UBA5: variants seen among roughly 807,000 people sequenced by gnomAD.
UBA5 encodes the protein ubiquitin like modifier activating enzyme 5, also known as ubiquitin-like modifier-activating enzyme 5.
In UBA5, 28 loss-of-function variants were observed where a neutral mutation model predicts 52.9. The ratio of observed to expected loss-of-function variants is 0.53; its 90% CI spans 0.39 to 0.73. The LOEUF is 0.73. Among genes scored for constraint, UBA5 ranks in the 30% least tolerant of loss-of-function variants. UBA5 has a pLI of 0.00. For missense variants in UBA5, 388 were observed against 492.7 expected (o/e 0.79, Z 2.01); for synonymous variants, 135 against 162.1 (o/e 0.83, Z 1.27).
chr3:132,659,667 G>C (rs144740482), upstream of UBA5: 8 of 1,611,706 alleles, frequency 5.0e-6, no homozygotes, highest in African/African-American at 1.3e-5. Context: ...TGCTGGTTTA[G>C]GTAGGCCTCC....
intron 6 of UBA5, 103 bp downstream of exon 6, chr3:132,671,152 C>T (rs1938584325): frequency 1.1e-6 from 1 of 949,568 alleles, no homozygotes. Context: ...TGAATGTAAA[C>T]CCTTTTCTGT....
chr3:132,661,041 C>G (rs1264094589), intron 1 of UBA5: 2 of 1,358,766 alleles, frequency 1.5e-6, no homozygotes, highest in Admixed American at 4.4e-5. Context: ...AATATTAAAC[C>G]TGCTAAGGTA....
Position 132,671,835 on chromosome 3 carries a change from C to T in UBA5, c.638C>T (p.Ser213Leu), listed in dbSNP as rs376997494. ...TCTGGGGTCAGTGAAAATGCAGTTT[C>T]AGGGCATATACAGCTTATAATTCCT... is the stretch of plus-strand genomic sequence containing the variant. ...MESGVSENAV[S>L]GHIQLIIPGE... Residue 213 changes from serine to leucine, a missense_variant, in exon 7 of 12, where the codon TCA becomes TTA. Around this residue, in one of 3 missense-constraint regions of UBA5, gnomAD observed 277 missense variants for 326.4 expected, o/e 0.85. Coordinates refer to ENST00000356232, the MANE Select transcript of UBA5 (RefSeq NM_024818.6). The T allele has an allele frequency of 2.5e-6, 4 of 1,613,700 alleles. No individual in the cohort carries two copies. Among genetic ancestry groups the T allele is most frequent in the Non-Finnish European group, 3.4e-6 (4 of 1,179,830 alleles).
chr3:132,675,193 C>T, intron 8 of UBA5, 55 bp from the exon 9 acceptor site: 1 of 1,313,738 alleles, frequency 7.6e-7, no homozygotes, highest in Non-Finnish European at 1.1e-6. Flanking sequence ...TTTAGGTGTT[C>T]TAGTATTTTT....
chr3:132,655,266 C>T (rs1232383354), intron 1 of UBA5, among the ~76,000 whole-genome samples: 1 of 152,124 alleles, frequency 6.6e-6, no homozygotes, highest in Non-Finnish European at 1.5e-5. Flanking sequence ...GCCCTTGGCC[C>T]CTTCAGTCAA....
chr3:132,658,512 T>C (rs1387263580), upstream of UBA5, among the ~76,000 whole-genome samples: 1 of 152,236 alleles, frequency 6.6e-6, no homozygotes, highest in Non-Finnish European at 1.5e-5. Context: ...GGACTAGATG[T>C]TCAAAGGGTA....
In UBA5 at chr3:132,678,019, CA is replaced by C. The variant is rs968333129; in HGVS notation, c.*1498del. 4 of 152,070 alleles carry C rather than the reference CA, an allele frequency of 2.6e-5. No homozygotes were observed. Among genetic ancestry groups the C allele is most frequent in the African/African-American group, 9.6e-5 (4 of 41,496 alleles). 9.4% of individuals were successfully genotyped at this position (152,070 alleles called of 1,614,324 possible). On this transcript the variant is annotated 3_prime_UTR_variant, in exon 12 of 12. Transcript: ENST00000356232. The stretch of plus-strand genomic sequence containing the variant: ...ATTTAAAAAATGAAATGCAGTTTTT[CA>C]AAAATAAATTTCCTTTGGAAATTCT...
Position 132,679,494 on chromosome 3 carries a change from AAAAT to A in UBA5, c.*2974_*2977del, listed in dbSNP as rs1341142024. ...ACATGAGAACGTTTGGGTTGGTAGT[AAAAT>A]AAATAGTAATATCAAAATAGTTTAT... On this transcript the variant is annotated 3_prime_UTR_variant, in exon 12 of 12. Coordinates refer to ENST00000356232, the MANE Select transcript of UBA5 (RefSeq NM_024818.6). 6.6e-6 allele frequency among the ~76,000 whole-genome samples: 1 copy of A among 152,230 alleles called. No homozygotes were observed. The highest frequency in any genetic ancestry group is 2.4e-5 in the African/African-American group (1 of 41,466).
At chr3:132,668,266 T>G (rs1047032750) in intron 3 of UBA5, 2 of 152,200 alleles carry the variant, frequency 1.3e-5, no homozygotes, top group African/African-American at 4.8e-5. Context: ...GTAATTCTAT[T>G]TGGAATAATG....
chr3:132,670,816 TATG>T (rs1441120862), intron 5 of UBA5, 146 bp from the exon 6 acceptor site: 36 of 485,006 alleles, frequency 7.4e-5, no homozygotes, highest in East Asian at 5.6e-4. Context: ...ACTTGATATA[TATG>T]ATATCTTTAA....
chr3:132,660,653 G>A lies in UBA5; in HGVS notation c.116G>A (p.Arg39His), dbSNP rs779415068. ...GGCGACGGAGGGGGCGGCCGGGTCCGCATCGAGAAGATGAGCTCAGAGGTG... is the reference window on the plus strand; with the variant it reads ...GGCGACGGAGGGGGCGGCCGGGTCCACATCGAGAAGATGAGCTCAGAGGTG... The part of the protein sequence containing the change: ...RSGDGGGGRV[R>H]IEKMSSEVVD... The change falls in exon 1 of 12, where the codon CGC (arginine) becomes CAC (histidine). Residue 39 changes from arginine to histidine, a missense_variant. Arg to His is a conservative substitution (Grantham distance 29). Transcript: ENST00000356232. This position sits in a 1 kb window ranked among gnomAD's most constrained non-coding sequence, Gnocchi z 4.1. 2.5e-6 allele frequency: 4 copies of A among 1,573,694 alleles called. No individual in the cohort carries two copies. The African/African-American group carries it at 5.4e-5, about 21-fold the overall frequency.
rs1433124016 is a variant in UBA5, at chr3:132,677,028, C to T, written c.*502C>T. 1 of 308,056 alleles carries T rather than the reference C, an allele frequency of 3.2e-6. No individual in the cohort carries two copies. The highest frequency in any genetic ancestry group is 6.6e-6 in the Non-Finnish European group (1 of 151,562). 19.1% of individuals were successfully genotyped at this position (308,056 alleles called of 1,614,324 possible). A position where few individuals can be genotyped will look rare whatever the true frequency, so the allele number is the denominator to read the frequency against. On this transcript the variant is annotated 3_prime_UTR_variant, in exon 12 of 12. Transcript: ENST00000356232. ...TGCCCACTACTACTAACTTGATCAACAATGAATTCAAAATAGTTAACCTAT... is the reference window on the plus strand; with the variant it reads ...TGCCCACTACTACTAACTTGATCAATAATGAATTCAAAATAGTTAACCTAT...
At position 132,679,479 on chromosome 3, in the gene UBA5, G is replaced by A. The variant is rs190725981; in HGVS notation, c.*2953G>A. Among the ~76,000 whole-genome samples the A allele has an allele frequency of 7.7e-4, 117 of 152,246 alleles. 1 individual carries two copies. Among genetic ancestry groups the A allele is most frequent in the African/African-American group, 2.6e-3 (110 of 41,542 alleles). On this transcript the variant is annotated 3_prime_UTR_variant, in exon 12 of 12. Transcript: ENST00000356232. ...TTAAGTATGCATTCTACATGAGAAC[G>A]TTTGGGTTGGTAGTAAAATAAATAG...
chr3:132,663,479 T>G (rs993335895), intron 1 of UBA5, among the ~76,000 whole-genome samples: 3 of 152,188 alleles, frequency 2.0e-5, no homozygotes, highest in African/African-American at 7.2e-5. Flanking sequence ...GCTTACATAC[T>G]GAGTGTCGAG....
intron 1 of UBA5, among the ~76,000 whole-genome samples, chr3:132,663,683 G>C (rs959848849): frequency 6.6e-6 from 1 of 152,152 alleles, no homozygotes. Context: ...AAGTCAAACA[G>C]TTATTGCCTA....
chr3:132,675,408 A>G, intron 9 of UBA5, 25 bp downstream of exon 9: 1 of 1,611,014 alleles, frequency 6.2e-7, no homozygotes, highest in Non-Finnish European at 8.5e-7. Flanking sequence ...GTTAGAATGC[A>G]TGAGGGATCA....
At chr3:132,656,037 C>T (rs1418951418), upstream of UBA5, among the ~76,000 whole-genome samples, 5 of 152,174 alleles carry the variant, frequency 3.3e-5, no homozygotes, top group African/African-American at 1.2e-4. Context: ...CCCTGTATGT[C>T]CTTCCCCTTG....
At chr3:132,666,196 T>TAAA in intron 3 of UBA5, 123 bp downstream of exon 3, 2 of 752,588 alleles carry the variant, frequency 2.7e-6, no homozygotes, top group Non-Finnish European at 2.2e-6. Flanking sequence ...TAATCTAGAT[T>TAAA]GTTCTTTCTA....
chr3:132,673,032 T>C (rs560163414), intron 8 of UBA5, among the ~76,000 whole-genome samples: 1 of 152,266 alleles, frequency 6.6e-6, no homozygotes, highest in South Asian at 2.1e-4. Context: ...TACCAATCAA[T>C]AAGAAGTGTC....
Sources: gnomAD v4.1 joint callset for allele counts (sites outside exome capture counted in the v4.1 genomes callset) on GRCh38, gnomAD v4.1.1 for gene constraint, gnomAD v4.1.1 regional missense constraint, Gnocchi (gnomAD v3.1) non-coding constraint, MANE v1.5 for transcripts, NCBI Gene and HGNC (gene_info 2026-07-23, HGNC 2026-07-21) for gene names.